The following TRHDE variants were observed in gnomAD, a reference collection of about 807,000 sequenced individuals.
TRHDE encodes thyrotropin-releasing hormone-degrading ectoenzyme.
A neutral mutation model predicts 125.7 loss-of-function variants in TRHDE; 72 were observed. The observed-to-expected ratio is 0.57, with a 90% CI of 0.47 to 0.70. TRHDE has a LOEUF of 0.70. TRHDE is among the 30% of genes least tolerant of loss of function. TRHDE has a pLI of 0.00. For missense variants in TRHDE, 1,110 were observed against 1,327.1 expected, an observed-to-expected ratio of 0.84 and a Z score of 2.54; for synonymous variants, 509 against 509.1, an observed-to-expected ratio of 1.00 and a Z score of 0.00.
chr12:72,433,011 G>C (rs1214199037), intron 3 of TRHDE, among the ~76,000 whole-genome samples: 2 of 152,086 alleles, frequency 1.3e-5, no homozygotes, highest in Non-Finnish European at 2.9e-5. Context: ...TTATTATTAT[G>C]AAAGGGTGCT....
chr12:72,621,788 T>A, intron 15 of TRHDE, 37 bp downstream of exon 15: 1 of 1,461,670 alleles, frequency 6.8e-7, no homozygotes, highest in Non-Finnish European at 9.4e-7. Flanking sequence ...TGATATTATT[T>A]AATAGTGCTT....
chr12:72,243,371 C>T (rs939760161), intron 2 of TRHDE, among the ~76,000 whole-genome samples: 1 of 152,132 alleles, frequency 6.6e-6, no homozygotes, highest in African/African-American at 2.4e-5. Flanking sequence ...TTCTTTCAAC[C>T]TGTGCTGTCC....
chr12:72,550,069 A>T (rs2135996402), intron 7 of TRHDE, among the ~76,000 whole-genome samples: 1 of 152,066 alleles, frequency 6.6e-6, no homozygotes, highest in East Asian at 1.9e-4. Flanking sequence ...TTAAGGGCTC[A>T]AGATGTATTA....
chr12:72,251,089 A>T, intron 2 of TRHDE, among the ~76,000 whole-genome samples: 1 of 151,778 alleles, frequency 6.6e-6, no homozygotes, highest in East Asian at 1.9e-4. Flanking sequence ...TAATATCACA[A>T]ATGGAAAATT....
Position 72,439,304 on chromosome 12 carries a change from A to C in TRHDE, c.1316-30454A>C, listed in dbSNP as rs960189328. Among the ~76,000 whole-genome samples the C allele has an allele frequency of 2.6e-5, 4 of 151,770 alleles. No individual in the cohort carries two copies. In the East Asian group the frequency reaches 7.7e-4, roughly 29 times the overall value. On this transcript the variant is annotated intron_variant, in intron 3 of 18. Coordinates refer to ENST00000261180, the MANE Select transcript of TRHDE (RefSeq NM_013381.3). ...TCAGGGTCTTTTTGGTTCTATAGAAAATTTTGAGATTTTTTTCTATTTTTG... is the reference window on the plus strand; with the variant it reads ...TCAGGGTCTTTTTGGTTCTATAGAACATTTTGAGATTTTTTTCTATTTTTG...
At chr12:72,320,700 C>G (rs1467208025) in intron 2 of TRHDE, among the ~76,000 whole-genome samples, 1 of 152,024 alleles carries the variant, frequency 6.6e-6, no homozygotes, top group Non-Finnish European at 1.5e-5. Context: ...TTAAAAAATG[C>G]AATATGTGAT....
At chr12:72,623,855 G>A (rs1181998334) in intron 15 of TRHDE, among the ~76,000 whole-genome samples, 1 of 151,944 alleles carries the variant, frequency 6.6e-6, no homozygotes, top group Non-Finnish European at 1.5e-5. Flanking sequence ...TTGTAAACTT[G>A]AACAATTCAT....
intron 3 of TRHDE, among the ~76,000 whole-genome samples, chr12:72,467,483 G>A (rs1876438064): frequency 6.6e-6 from 1 of 152,078 alleles, no homozygotes; most frequent in Admixed American, 6.6e-5. Flanking sequence ...AGCGGAAGAT[G>A]GGGTCATATT....
intron 2 of TRHDE, among the ~76,000 whole-genome samples, chr12:72,357,630 T>G (rs1195461058): frequency 6.6e-6 from 1 of 151,536 alleles, no homozygotes; most frequent in Non-Finnish European, 1.5e-5. Flanking sequence ...CTAGGTTGTT[T>G]CCATATCTTG....
intron 15 of TRHDE, 131 bp downstream of exon 15, chr12:72,621,882 G>A (rs2217678): frequency 0.1 from 66,005 of 659,074 alleles, 8,652 homozygotes; most frequent in African/African-American, 0.51. Flanking sequence ...AACATTTTGT[G>A]TCAGGTTCAC....
intron 2 of TRHDE, among the ~76,000 whole-genome samples, chr12:72,212,626 A>G (rs892583086): frequency 6.6e-6 from 1 of 152,204 alleles, no homozygotes; most frequent in African/African-American, 2.4e-5. Flanking sequence ...AAATTAAACT[A>G]CAATGAGATA....
At chr12:72,620,518 C>T (rs1392361042) in intron 13 of TRHDE, among the ~76,000 whole-genome samples, 1 of 151,342 alleles carries the variant, frequency 6.6e-6, no homozygotes, top group African/African-American at 2.4e-5. Flanking sequence ...AGTGGAGACC[C>T]TGTCTAAAAA....
intron 2 of TRHDE, among the ~76,000 whole-genome samples, chr12:72,220,995 G>A (rs549950344): frequency 2.6e-5 from 4 of 152,118 alleles, no homozygotes; most frequent in African/African-American, 7.2e-5. Context: ...AATGAAACAA[G>A]AGAAGATAAT....
intron 2 of TRHDE, among the ~76,000 whole-genome samples, chr12:72,114,256 A>G (rs1875391323): frequency 6.6e-6 from 1 of 151,768 alleles, no homozygotes; most frequent in South Asian, 2.1e-4. Context: ...TCGAAAATAC[A>G]GCTGATCCTG....
intron 3 of TRHDE, among the ~76,000 whole-genome samples, chr12:72,387,341 C>A (rs899941061): frequency 6.6e-6 from 1 of 152,148 alleles, no homozygotes; most frequent in Admixed American, 6.6e-5. Context: ...TCACTATTTC[C>A]ATTGCTAGTA....
intron 2 of TRHDE, among the ~76,000 whole-genome samples, chr12:72,364,514 A>G (rs769530829): frequency 2.0e-5 from 3 of 151,906 alleles, no homozygotes; most frequent in Non-Finnish European, 4.4e-5. Context: ...TGTTTGGTTC[A>G]CTCTATGTCC....
intron 12 of TRHDE, among the ~76,000 whole-genome samples, chr12:72,604,737 T>C (rs1334988975): frequency 6.6e-6 from 1 of 152,118 alleles, no homozygotes; most frequent in African/African-American, 2.4e-5. Context: ...TATTTTGTAT[T>C]TTCATTGATG....
chr12:72,334,765 A>C (rs1055059382), intron 2 of TRHDE, among the ~76,000 whole-genome samples: 1 of 152,184 alleles, frequency 6.6e-6, no homozygotes, highest in Non-Finnish European at 1.5e-5. Flanking sequence ...GCACAAATTC[A>C]ATACACCACC....
chr12:72,430,260 T>TAA lies in TRHDE; in HGVS notation c.1316-39497_1316-39496dup, dbSNP rs1874386183. Among the ~76,000 whole-genome samples, 4 of 147,328 alleles carry TAA rather than the reference T, an allele frequency of 2.7e-5. No individual in the cohort carries two copies. In the South Asian group the frequency reaches 8.5e-4, roughly 31 times the overall value. ...ATATATGTATGTGTGTGTATATATATAATACACACATATAAAACTGTTGTG... is the reference window on the plus strand; with the variant it reads ...ATATATGTATGTGTGTGTATATATATAAAATACACACATATAAAACTGTTGTG... On this transcript the variant is annotated intron_variant, in intron 3 of 18. Coordinates refer to ENST00000261180, the MANE Select transcript of TRHDE (RefSeq NM_013381.3).
Sources: gnomAD v4.1 joint callset for allele counts (sites outside exome capture counted in the v4.1 genomes callset) on GRCh38, gnomAD v4.1.1 for gene constraint, MANE v1.5 for transcripts, NCBI Gene and HGNC (gene_info 2026-07-23, HGNC 2026-07-21) for gene names.